PTER: variants seen among roughly 807,000 people sequenced by gnomAD.
The protein encoded by PTER is phosphotriesterase related, also known as N-acetyltaurine hydrolase.
PTER carries 38 observed loss-of-function variants against 29.6 expected under a neutral mutation model. The ratio of observed to expected loss-of-function variants is 1.28; its 90% CI spans 0.99 to 1.68. The LOEUF (loss-of-function observed/expected upper bound fraction) is 1.68. PTER is among the 40% of genes most tolerant of loss of function. PTER has a pLI of 0.00. For missense variants in PTER, 482 were observed against 427.8 expected (o/e 1.13, Z -1.12); for synonymous variants, 172 against 154.5 (o/e 1.11, Z -0.84).
Position 16,511,128 on chromosome 10 carries a change from T to C in PTER, c.922T>C (p.Tyr308His), listed in dbSNP as rs1432671898. The C allele has an allele frequency of 6.2e-7, 1 of 1,614,056 alleles. No homozygotes were observed. Among genetic ancestry groups the C allele is most frequent in the Non-Finnish European group, 8.5e-7 (1 of 1,179,996 alleles). The change falls in exon 5 of 5, where the codon TAT (tyrosine) becomes CAT (histidine). Residue 308 changes from tyrosine (Y) to histidine (H), a missense_variant. Transcript: ENST00000535784. ...ACATACGAAAACCCGGCTGATGAAA[T>C]ATGGAGGTCACGGCTATTCTCATAT... Reference protein sequence around the residue: ...DIHTKTRLMKYGGHGYSHILT... With the variant: ...DIHTKTRLMKHGGHGYSHILT...
intron 3 of PTER, among the ~76,000 whole-genome samples, chr10:16,489,884 C>G (rs1485668104): frequency 2.6e-5 from 4 of 152,154 alleles, no homozygotes; most frequent in African/African-American, 9.7e-5. Context: ...GTTCTGACCC[C>G]TCAGCTTAGC....
chr10:16,468,592 GT>G, intron 1 of PTER, among the ~76,000 whole-genome samples: 1 of 152,272 alleles, frequency 6.6e-6, no homozygotes, highest in South Asian at 2.1e-4. Flanking sequence ...AATACATACT[GT>G]GTACCAGGCA....
chr10:16,515,765 T>G (rs947608438), downstream of PTER, among the ~76,000 whole-genome samples: 5 of 152,208 alleles, frequency 3.3e-5, no homozygotes, highest in African/African-American at 1.2e-4. Context: ...TAGATTTGAT[T>G]TATTTCAGTA....
At chr10:16,466,012 A>T (rs1834799356) in intron 1 of PTER, among the ~76,000 whole-genome samples, 1 of 152,146 alleles carries the variant, frequency 6.6e-6, no homozygotes, top group African/African-American at 2.4e-5. Flanking sequence ...TGTAGGGATT[A>T]TGGGGATTAC....
intron 3 of PTER, among the ~76,000 whole-genome samples, chr10:16,494,119 G>A (rs182938639): frequency 2.1e-3 from 321 of 152,286 alleles, no homozygotes; most frequent in Non-Finnish European, 3.8e-3. Flanking sequence ...CCTGAACCGT[G>A]TATCGCCTTA....
rs1419015399 is a variant in PTER, at chr10:16,486,447, G to T, written c.528G>T (p.Leu176Phe). 1 of 1,614,044 alleles carries T rather than the reference G, an allele frequency of 6.2e-7. No individual in the cohort carries two copies. Among genetic ancestry groups the T allele is most frequent in the African/African-American group, 1.3e-5 (1 of 75,028 alleles). ...GAGAAATTGGTTGCTCCTGGCCTTTGACTGAGAGTGAAAGAAAGGTTCTCC... is the reference window on the plus strand; with the variant it reads ...GAGAAATTGGTTGCTCCTGGCCTTTTACTGAGAGTGAAAGAAAGGTTCTCC... Reference protein sequence around the residue: ...IIGEIGCSWPLTESERKVLQA... With the variant: ...IIGEIGCSWPFTESERKVLQA... Residue 176 changes from leucine (L) to phenylalanine (F), a missense_variant, in exon 3 of 5, where the codon TTG becomes TTT. Transcript: ENST00000535784.
chr10:16,458,299 G>A lies in PTER; in HGVS notation c.-49+21252G>A, dbSNP rs542559809. ...TCTTATGTGGTAATGCAGTGACAAT[G>A]AGATGATTTCTCTGGAGAATCTATG... On this transcript the variant is annotated intron_variant, in intron 1 of 4. Coordinates refer to ENST00000535784, the MANE Select transcript of PTER (RefSeq NM_001261836.2). Among the ~76,000 whole-genome samples, 4 of 152,236 alleles carry A rather than the reference G, an allele frequency of 2.6e-5. No individual in the cohort carries two copies. The South Asian group carries it at 8.3e-4, about 32-fold the overall frequency.
downstream of PTER, chr10:16,514,453 G>C: frequency 2.3e-6 from 3 of 1,318,392 alleles, no homozygotes; most frequent in Non-Finnish European, 3.2e-6. Flanking sequence ...CATCCCCTGG[G>C]ATCCTTGATT....
At chr10:16,494,885 C>T (rs558490746) in intron 3 of PTER, among the ~76,000 whole-genome samples, 3 of 152,068 alleles carry the variant, frequency 2.0e-5, no homozygotes, top group South Asian at 2.1e-4. Flanking sequence ...TAAGAATATA[C>T]ATGAATAATG....
chr10:16,466,722 A>C (rs377422898), intron 1 of PTER, among the ~76,000 whole-genome samples: 1 of 152,246 alleles, frequency 6.6e-6, no homozygotes, highest in Non-Finnish European at 1.5e-5. Context: ...TGGAGAGTCT[A>C]CCGTGTGATC....
chr10:16,449,918 T>C (rs7910044), intron 1 of PTER, among the ~76,000 whole-genome samples: 88,241 of 151,968 alleles, frequency 0.58, 27,030 homozygotes, highest in African/African-American at 0.79. Flanking sequence ...ATCTTTTGAT[T>C]CACATTTCAG....
At chr10:16,444,104 C>T (rs547547122) in intron 1 of PTER, among the ~76,000 whole-genome samples, 39 of 151,342 alleles carry the variant, frequency 2.6e-4, no homozygotes, top group Non-Finnish European at 4.4e-4. Context: ...CGAATTCAAG[C>T]GATTCTCCTG....
intron 1 of PTER, among the ~76,000 whole-genome samples, chr10:16,457,422 C>T (rs1834448955): frequency 6.6e-6 from 1 of 152,082 alleles, no homozygotes; most frequent in Non-Finnish European, 1.5e-5. Context: ...ACCGTGTTAG[C>T]CACGATGGTC....
At chr10:16,439,241 G>A (rs1340172265) in intron 1 of PTER, among the ~76,000 whole-genome samples, 1 of 152,046 alleles carries the variant, frequency 6.6e-6, no homozygotes, top group East Asian at 1.9e-4. Context: ...TCAGGACAGT[G>A]GCTTTTCTGG....
chr10:16,481,684 T>G (rs1835485905), intron 1 of PTER, among the ~76,000 whole-genome samples: 1 of 152,214 alleles, frequency 6.6e-6, no homozygotes, highest in South Asian at 2.1e-4. Context: ...CTTGTGAGCT[T>G]GAAACGTACC....
intron 1 of PTER, among the ~76,000 whole-genome samples, chr10:16,468,819 A>T (rs928817742): frequency 1.3e-5 from 2 of 151,898 alleles, no homozygotes; most frequent in Non-Finnish European, 2.9e-5. Context: ...TATAGAAAAT[A>T]AAAAAAATAA....
At chr10:16,513,760 G>T (rs944401123), downstream of PTER, 1 of 152,526 alleles carries the variant, frequency 6.6e-6, no homozygotes. Context: ...AATGTATTCA[G>T]TTGACAAAAT....
downstream of PTER, among the ~76,000 whole-genome samples, chr10:16,514,886 T>C (rs775069782): frequency 6.6e-6 from 1 of 152,106 alleles, no homozygotes; most frequent in East Asian, 1.9e-4. Flanking sequence ...GCTACGTTAG[T>C]GAGAAGGAGG....
chr10:16,484,329 G>C lies in PTER; in HGVS notation c.-48-8G>C. 6.9e-7 allele frequency: 1 copy of C among 1,450,234 alleles called. No homozygotes were observed. The highest frequency in any genetic ancestry group is 9.3e-7 in the Non-Finnish European group (1 of 1,072,538). The allele number at this position is 1,450,234 out of a possible 1,614,324, so 89.8% of individuals were successfully genotyped here. ...ATTGTAGTTGTTTGTTTGTTTGTTT[G>C]TTTTTAGAAAAAAGAAATCCTCTTT... On this transcript the variant is annotated splice_region_variant and splice_polypyrimidine_tract_variant and intron_variant, in intron 1 of 4. Coordinates refer to ENST00000535784, the MANE Select transcript of PTER (RefSeq NM_001261836.2).
Sources: allele counts gnomAD v4.1 joint callset (sites outside exome capture counted in the v4.1 genomes callset), GRCh38; gene constraint gnomAD v4.1.1; transcripts MANE v1.5; gene names NCBI Gene and HGNC (gene_info 2026-07-23, HGNC 2026-07-21).